The following RALGAPA1 variants were observed in gnomAD, a reference collection of about 807,000 sequenced individuals.
RALGAPA1 encodes ral GTPase-activating protein subunit alpha-1.
RALGAPA1 carries 52 observed loss-of-function variants against 269.6 expected under a neutral mutation model. The observed-to-expected ratio is 0.19, with a 90% CI of 0.15 to 0.24. The LOEUF is 0.24. Among genes scored for constraint, RALGAPA1 ranks in the 10% least tolerant of loss-of-function variants. The pLI is 1.00. For missense variants in RALGAPA1, 1,917 were observed against 3,013.9 expected (o/e 0.64, Z 8.52); for synonymous variants, 817 against 1,008.3 (o/e 0.81, Z 3.60).
intron 27 of RALGAPA1, among the ~76,000 whole-genome samples, chr14:35,660,470 G>A (rs1214263751): frequency 2.0e-5 from 3 of 151,736 alleles, no homozygotes; most frequent in East Asian, 1.9e-4. Flanking sequence ...ACCTGTACGC[G>A]GAAAACTATA....
At chr14:35,670,179 A>T (rs1160388851) in intron 26 of RALGAPA1, among the ~76,000 whole-genome samples, 1 of 152,136 alleles carries the variant, frequency 6.6e-6, no homozygotes, top group Non-Finnish European at 1.5e-5. Flanking sequence ...TATTCTTCTG[A>T]CATCTTCCTC....
At chr14:35,744,499 TA>T (rs796810961) in intron 10 of RALGAPA1, among the ~76,000 whole-genome samples, 1 of 152,304 alleles carries the variant, frequency 6.6e-6, no homozygotes, top group African/African-American at 2.4e-5. Context: ...GAGTTATCAG[TA>T]GATGTATTAA....
intron 31 of RALGAPA1, among the ~76,000 whole-genome samples, chr14:35,640,858 A>G (rs2061981999): frequency 2.0e-5 from 3 of 152,174 alleles, no homozygotes; most frequent in Admixed American, 6.5e-5. Flanking sequence ...AAATTCAACA[A>G]TGCATTAGAA....
At chr14:35,663,812 C>T (rs1476488391) in intron 27 of RALGAPA1, among the ~76,000 whole-genome samples, 1 of 151,970 alleles carries the variant, frequency 6.6e-6, no homozygotes, top group Non-Finnish European at 1.5e-5. Flanking sequence ...AGGATGGTCT[C>T]AATCTCCTGA....
intron 19 of RALGAPA1, among the ~76,000 whole-genome samples, chr14:35,686,208 A>T (rs1326542229): frequency 1.3e-5 from 2 of 151,604 alleles, no homozygotes; most frequent in East Asian, 3.9e-4. Flanking sequence ...TATCTTTCCC[A>T]TTGAGGGCTT....
intron 7 of RALGAPA1, chr14:35,756,583 C>A (rs906657050): frequency 1.6e-5 from 5 of 321,628 alleles, no homozygotes; most frequent in Non-Finnish European, 2.9e-5. Context: ...TAGGAAATAT[C>A]CCCTACCACC....
intron 1 of RALGAPA1, among the ~76,000 whole-genome samples, chr14:35,797,571 T>C (rs1418427612): frequency 6.6e-6 from 1 of 150,400 alleles, no homozygotes; most frequent in Non-Finnish European, 1.5e-5. Context: ...AGAGGCCGGG[T>C]GCAGTGGCTC....
rs141576730 is a variant in RALGAPA1 at position 35,548,126 on chromosome 14, G to A, written c.*23+382C>T. On this transcript the variant is annotated intron_variant, in intron 41 of 41. Coordinates refer to ENST00000680220, the MANE Select transcript of RALGAPA1 (RefSeq NM_001346249.2). The stretch of plus-strand genomic sequence containing the variant: ...TAGTGAAGTGCAAGGCACACAGAGA[G>A]TTATCATTTGATGAGTTAGGATATC... 6.6e-5 allele frequency among the ~76,000 whole-genome samples: 10 copies of A among 152,102 alleles called. No individual in the cohort carries two copies. In the East Asian group the frequency reaches 1.9e-3, roughly 29 times the overall value.
At chr14:35,696,249 CA>C (rs1330932028) in intron 17 of RALGAPA1, among the ~76,000 whole-genome samples, 1 of 151,676 alleles carries the variant, frequency 6.6e-6, no homozygotes, top group East Asian at 1.9e-4. Flanking sequence ...CCTGTCTCTA[CA>C]AAAAAATAAA....
chr14:35,698,050 C>G (rs2067035743), intron 17 of RALGAPA1, among the ~76,000 whole-genome samples: 2 of 152,170 alleles, frequency 1.3e-5, no homozygotes, highest in East Asian at 3.9e-4. Context: ...CTAAAATGAA[C>G]ATTATTTTGA....
In RALGAPA1 at chr14:35,648,564, C is replaced by G. The variant is rs553185767; in HGVS notation, c.5676+3241G>C. Among the ~76,000 whole-genome samples the G allele has an allele frequency of 2.0e-3, 306 of 152,100 alleles. 1 individual carries two copies. The highest frequency in any genetic ancestry group is 7.0e-3 in the African/African-American group (292 of 41,490). On this transcript the variant is annotated intron_variant, in intron 31 of 41. Transcript: ENST00000680220. ...TAGGGAGGCCAAGGCGGGCGGTTCA[C>G]TTCAGCTCAAGCTCCTGAGCTGAAG... is the stretch of plus-strand genomic sequence containing the variant.
At chr14:35,552,271 T>C (rs1234442954) in intron 39 of RALGAPA1, among the ~76,000 whole-genome samples, 1 of 152,184 alleles carries the variant, frequency 6.6e-6, no homozygotes, top group East Asian at 1.9e-4. Context: ...AGGTGCTTTT[T>C]GTGATTGAGA....
chr14:35,604,491 C>T (rs1026979375), intron 36 of RALGAPA1, among the ~76,000 whole-genome samples: 4 of 151,382 alleles, frequency 2.6e-5, no homozygotes, highest in Non-Finnish European at 5.9e-5. Flanking sequence ...ATATAAAACA[C>T]TAAAGGCTGA....
intron 37 of RALGAPA1, among the ~76,000 whole-genome samples, chr14:35,573,699 T>C (rs2057372639): frequency 6.6e-6 from 1 of 152,174 alleles, no homozygotes; most frequent in Non-Finnish European, 1.5e-5. Context: ...CTCTCTTCTG[T>C]CACTCCTTAA....
intron 39 of RALGAPA1, among the ~76,000 whole-genome samples, chr14:35,551,426 C>G (rs1178975414): frequency 6.6e-6 from 1 of 152,094 alleles, no homozygotes; most frequent in Non-Finnish European, 1.5e-5. Context: ...TGCCAGGAAG[C>G]AAAGGCTGAA....
At chr14:35,617,637 T>TGGGGGGGGG (rs1221537442) in intron 35 of RALGAPA1, among the ~76,000 whole-genome samples, 13 of 4,886 alleles carry the variant, frequency 2.7e-3, no homozygotes, top group East Asian at 0.022. Context: ...GTGTGTGGGG[T>TGGGGGGGGG]GGGGGGGGGG....
intron 12 of RALGAPA1, among the ~76,000 whole-genome samples, chr14:35,737,776 A>AAAT (rs1260971030): frequency 7.2e-6 from 1 of 138,162 alleles, no homozygotes; most frequent in African/African-American, 2.8e-5. Flanking sequence ...AAAAAAAAAA[A>AAAT]AAAAAAAAAA....
intron 39 of RALGAPA1, among the ~76,000 whole-genome samples, chr14:35,563,252 T>A (rs911716373): frequency 1.5e-4 from 23 of 152,090 alleles, no homozygotes; most frequent in African/African-American, 5.3e-4. Context: ...TAAATAATAG[T>A]TTTACATAGT....
chr14:35,566,255 G>A (rs1398141317), intron 39 of RALGAPA1, among the ~76,000 whole-genome samples: 5 of 152,078 alleles, frequency 3.3e-5, no homozygotes, highest in East Asian at 1.9e-4. Flanking sequence ...TCATCAATAC[G>A]GACAGATTAC....
Sources: allele counts gnomAD v4.1 joint callset (sites outside exome capture counted in the v4.1 genomes callset), GRCh38; gene constraint gnomAD v4.1.1; transcripts MANE v1.5; gene names NCBI Gene and HGNC (gene_info 2026-07-23, HGNC 2026-07-21).